The following FMNL2 variants were observed in gnomAD, a reference collection of about 807,000 sequenced individuals.
The protein encoded by FMNL2 is formin like 2, also known as formin-like protein 2.
FMNL2 carries 51 observed loss-of-function variants against 130.2 expected under a neutral mutation model. The observed-to-expected ratio is 0.39, with a 90% CI of 0.31 to 0.49. FMNL2 has a LOEUF of 0.49. Among genes scored for constraint, FMNL2 ranks in the 20% least tolerant of loss-of-function variants. The pLI is 0.85. For missense variants in FMNL2, 977 were observed against 1,316.2 expected (o/e 0.74, Z 3.99); for synonymous variants, 465 against 467.1 (o/e 1.00, Z 0.06).
chr2:152,352,173 C>A (rs1409981743), intron 1 of FMNL2, among the ~76,000 whole-genome samples: 1 of 152,086 alleles, frequency 6.6e-6, no homozygotes, highest in Admixed American at 6.5e-5. Context: ...ATATTAGTGG[C>A]TTTGTTTATT....
chr2:152,342,933 A>T (rs1681895280), intron 1 of FMNL2, among the ~76,000 whole-genome samples: 1 of 152,230 alleles, frequency 6.6e-6, no homozygotes, highest in Non-Finnish European at 1.5e-5. Context: ...CTGAAAAAAC[A>T]AACAGAAAAA....
At chr2:152,342,767 G>A (rs1681884705) in intron 1 of FMNL2, among the ~76,000 whole-genome samples, 2 of 152,216 alleles carry the variant, frequency 1.3e-5, no homozygotes, top group Admixed American at 1.3e-4. Flanking sequence ...GAGCTGTTAG[G>A]TTGGAGAGCT....
intron 1 of FMNL2, among the ~76,000 whole-genome samples, chr2:152,378,151 C>T (rs922555297): frequency 6.6e-6 from 1 of 151,742 alleles, no homozygotes; most frequent in Non-Finnish European, 1.5e-5. Context: ...TAAATTCAGC[C>T]TGTGTTTACT....
At chr2:152,583,464 T>A (rs1696899855) in intron 9 of FMNL2, among the ~76,000 whole-genome samples, 1 of 152,206 alleles carries the variant, frequency 6.6e-6, no homozygotes, top group Non-Finnish European at 1.5e-5. Flanking sequence ...AGTGTGGGCA[T>A]GCTTGAGAGA....
chr2:152,464,290 G>T (rs531423145), intron 1 of FMNL2, among the ~76,000 whole-genome samples: 1 of 152,112 alleles, frequency 6.6e-6, no homozygotes, highest in Non-Finnish European at 1.5e-5. Context: ...GCTTTTCTGT[G>T]GGTGCCAACA....
intron 25 of FMNL2, among the ~76,000 whole-genome samples, chr2:152,645,057 C>T (rs1683430945): frequency 6.6e-6 from 1 of 152,204 alleles, no homozygotes; most frequent in African/African-American, 2.4e-5. Context: ...TATGTATGTT[C>T]TTCTATCTCT....
chr2:152,514,544 C>T (rs1251348464), intron 1 of FMNL2, among the ~76,000 whole-genome samples: 1 of 152,092 alleles, frequency 6.6e-6, no homozygotes, highest in Admixed American at 6.6e-5. Flanking sequence ...AGTAATCCTC[C>T]CATATCCGTG....
In FMNL2 at chr2:152,383,131, G is replaced by A. The variant is rs921064339; in HGVS notation, c.117+47411G>A. Among the ~76,000 whole-genome samples, 5 of 152,210 alleles carry A rather than the reference G, an allele frequency of 3.3e-5. No homozygotes were observed. The East Asian group carries it at 7.7e-4, about 24-fold the overall frequency. ...TGGTGAGGGAGAGACCAACAAATAG[G>A]GCAGAGAGAGAGGTAGTTTTAATTT... On this transcript the variant is annotated intron_variant, in intron 1 of 25. Transcript: ENST00000288670.
chr2:152,429,215 CA>C (rs3047928), intron 1 of FMNL2, among the ~76,000 whole-genome samples: 9,025 of 95,770 alleles, frequency 0.094, 737 homozygotes, highest in African/African-American at 0.24. Context: ...CTTAGAGGAA[CA>C]AAAAAAAAAA....
At chr2:152,647,679 C>G (rs1476559978) in intron 25 of FMNL2, 117 bp from the exon 26 acceptor site, 2 of 846,356 alleles carry the variant, frequency 2.4e-6, no homozygotes, top group Non-Finnish European at 4.1e-6. Flanking sequence ...TTTGAAGGGC[C>G]CATTAGCTGA....
chr2:152,637,790 T>A (rs1559031101), intron 23 of FMNL2, 116 bp downstream of exon 23: 1 of 882,376 alleles, frequency 1.1e-6, no homozygotes, highest in African/African-American at 1.7e-5. Flanking sequence ...CAGATCTGGG[T>A]GGCATTCACG....
chr2:152,335,594 C>T lies in FMNL2; in HGVS notation c.-10C>T, dbSNP rs746793994. 6.3e-7 allele frequency: 1 copy of T among 1,581,304 alleles called. No individual in the cohort carries two copies. The highest frequency in any genetic ancestry group is 2.5e-5 in the East Asian group (1 of 40,730). ...CCCGGAGCAGCCCCCGGCCCCGGCGCGCCGCCGACATGGGCAACGCAGGGA... is the reference window on the plus strand; with the variant it reads ...CCCGGAGCAGCCCCCGGCCCCGGCGTGCCGCCGACATGGGCAACGCAGGGA... On this transcript the variant is annotated 5_prime_UTR_variant, in exon 1 of 26. Transcript: ENST00000288670.
chr2:152,407,162 TAAAGAAC>T (rs1686027199), intron 1 of FMNL2, among the ~76,000 whole-genome samples: 2 of 150,264 alleles, frequency 1.3e-5, no homozygotes. Context: ...ATTAACATCT[TAAAGAAC>T]TCTAAAATAT....
chr2:152,388,011 T>A lies in FMNL2; in HGVS notation c.117+52291T>A, dbSNP rs560126288. On this transcript the variant is annotated intron_variant, in intron 1 of 25. Transcript: ENST00000288670. ...TTGTTGAAAGGCTTCATTGTCCTGC[T>A]GATAATTAGGCTAATATAATAAGAA... is the stretch of plus-strand genomic sequence containing the variant. Among the ~76,000 whole-genome samples, 56 of 152,266 alleles carry A rather than the reference T, an allele frequency of 3.7e-4. 1 individual carries two copies. Among genetic ancestry groups the A allele is most frequent in the Non-Finnish European group, 7.8e-4 (53 of 68,026 alleles).
chr2:152,538,056 TAA>T (rs1363585763), intron 2 of FMNL2, among the ~76,000 whole-genome samples: 1 of 152,158 alleles, frequency 6.6e-6, no homozygotes, highest in African/African-American at 2.4e-5. Context: ...CACTGAAAGA[TAA>T]GTTAAAAATC....
Position 152,521,974 on chromosome 2 carries a change from G to A in FMNL2, c.149G>A (p.Arg50Lys), listed in dbSNP as rs1162112877. The A allele has an allele frequency of 6.2e-7, 1 of 1,612,948 alleles. No homozygotes were observed. The highest frequency in any genetic ancestry group is 8.5e-7 in the Non-Finnish European group (1 of 1,179,568). Residue 50 changes from arginine to lysine, a missense_variant, in exon 2 of 26, where the codon AGG becomes AAG. Arg to Lys is a conservative substitution (Grantham distance 26, BLOSUM62 2). This residue lies in a region of FMNL2 where 117 missense variants were observed against 134.9 expected (regional missense o/e 0.87). Transcript: ENST00000288670. Reference sequence around the variant, plus strand: ...ATGAACCTACCTCCTGACAAAGCCAGGTTACTGCGGCAGTATGATAATGAG... The same window carrying A: ...ATGAACCTACCTCCTGACAAAGCCAAGTTACTGCGGCAGTATGATAATGAG... ...NAMNLPPDKARLLRQYDNEKK... is the reference protein window; with the variant it reads ...NAMNLPPDKAKLLRQYDNEKK...
chr2:152,417,496 T>C (rs1392053643), intron 1 of FMNL2, among the ~76,000 whole-genome samples: 1 of 152,178 alleles, frequency 6.6e-6, no homozygotes, highest in African/African-American at 2.4e-5. Context: ...CAGGAAATAG[T>C]CTAGGGCATT....
At chr2:152,597,838 T>C (rs890463845) in intron 9 of FMNL2, among the ~76,000 whole-genome samples, 1 of 152,200 alleles carries the variant, frequency 6.6e-6, no homozygotes, top group Admixed American at 6.5e-5. Context: ...GTGGTTCCAA[T>C]TGGCTAAGCG....
intron 22 of FMNL2, among the ~76,000 whole-genome samples, chr2:152,637,258 T>C (rs1682697389): frequency 6.6e-6 from 1 of 152,246 alleles, no homozygotes. Context: ...GAAACTCCTG[T>C]AAGAAAGATT....
Sources: allele counts gnomAD v4.1 joint callset (sites outside exome capture counted in the v4.1 genomes callset), GRCh38; gene constraint gnomAD v4.1.1; regional missense constraint gnomAD v4.1.1; transcripts MANE v1.5; gene names NCBI Gene and HGNC (gene_info 2026-07-23, HGNC 2026-07-21).